Variants in HYDIN observed in about 807,000 individuals in gnomAD.
The protein encoded by HYDIN is HYDIN axonemal central pair apparatus protein, also known as axonemal central pair apparatus protein HYDIN.
In HYDIN, 132 loss-of-function variants were observed where a neutral mutation model predicts 403.9. The observed-to-expected ratio is 0.33, with a 90% CI of 0.28 to 0.38. The LOEUF (loss-of-function observed/expected upper bound fraction) is 0.38. Ranked by LOEUF, HYDIN falls within the 10% of genes least tolerant of loss-of-function variation. HYDIN has a pLI of 1.00. For synonymous variants in HYDIN, 1,202 were observed against 1,891.7 expected (o/e 0.64, Z 9.46); for missense variants, 2,827 against 5,009.5 (o/e 0.56, Z 13.15).
At chr16:70,830,916 G>A (rs567174792) in intron 80 of HYDIN, among the ~76,000 whole-genome samples, 1 of 151,926 alleles carries the variant, frequency 6.6e-6, no homozygotes, top group African/African-American at 2.4e-5. Context: ...AGTCCAGGCT[G>A]CAGATAAAGA....
chr16:70,898,938 T>G (rs1345641550), intron 53 of HYDIN, among the ~76,000 whole-genome samples: 1 of 152,276 alleles, frequency 6.6e-6, no homozygotes. Context: ...TTTTGTAATT[T>G]TGTATTTTTG....
chr16:71,098,404 G>A (rs1417656864), intron 10 of HYDIN, among the ~76,000 whole-genome samples: 5 of 151,476 alleles, frequency 3.3e-5, no homozygotes, highest in Admixed American at 2.6e-4. Flanking sequence ...GGGCTTCACC[G>A]TGTTAGCCAG....
intron 18 of HYDIN, among the ~76,000 whole-genome samples, chr16:71,052,088 CA>C (rs1282671923): frequency 2.6e-5 from 4 of 152,270 alleles, no homozygotes; most frequent in African/African-American, 4.8e-5. Flanking sequence ...TCTAGGTATG[CA>C]AATTTGAGCT....
At position 70,981,289 on chromosome 16, in the gene HYDIN, A is replaced by G. The variant is rs2079038246; in HGVS notation, c.4510+102T>C. 1.6e-5 allele frequency: 23 copies of G among 1,466,334 alleles called. 1 individual carries two copies. The South Asian group carries it at 3.4e-4, about 22-fold the overall frequency. 90.8% of individuals were successfully genotyped at this position (1,466,334 alleles called of 1,614,324 possible). On this transcript the variant is annotated intron_variant, in intron 29 of 85. Transcript: ENST00000393567. The stretch of plus-strand genomic sequence containing the variant: ...ATAACGTGGAAGAGAACCACAGGGC[A>G]TTTCCAAGCAAATAAAGTAAGTAGC...
chr16:71,002,542 A>G (rs2079752552), intron 23 of HYDIN, among the ~76,000 whole-genome samples: 2 of 143,684 alleles, frequency 1.4e-5, no homozygotes, highest in Non-Finnish European at 1.5e-5. Flanking sequence ...GCAAAGTGAG[A>G]CCCTGTCTGT....
chr16:70,934,331 C>CT (rs113716196), intron 45 of HYDIN, among the ~76,000 whole-genome samples: 239 of 149,238 alleles, frequency 1.6e-3, no homozygotes, highest in South Asian at 2.6e-3. Context: ...TTGAAGAAAA[C>CT]TTTTTTTTTT....
At chr16:70,888,709 G>A (rs1323740870) in intron 58 of HYDIN, among the ~76,000 whole-genome samples, 3 of 152,272 alleles carry the variant, frequency 2.0e-5, no homozygotes, top group African/African-American at 2.4e-5. Flanking sequence ...TGAAAATCTC[G>A]GCTTGGTATT....
In HYDIN at chr16:70,828,894, G is replaced by A. The variant is rs747691572; in HGVS notation, c.14113-465C>T. 4.2e-3 allele frequency among the ~76,000 whole-genome samples: 612 copies of A among 144,550 alleles called. 3 individuals are homozygous for A. The highest frequency in any genetic ancestry group is 6.0e-3 in the Non-Finnish European group (398 of 66,124). 94.8% of individuals were successfully genotyped at this position (144,550 alleles called of 152,430 possible). A position where few individuals can be genotyped will look rare whatever the true frequency, so the allele number is the denominator to read the frequency against. On this transcript the variant is annotated intron_variant, in intron 81 of 85. Coordinates refer to ENST00000393567, the MANE Select transcript of HYDIN (RefSeq NM_001270974.2). The stretch of plus-strand genomic sequence containing the variant: ...TTGGGTATGTTATGATGATAGTTAT[G>A]GCTGTATCTGAATAAGGATTGGTAG...
chr16:70,820,784 G>C (rs1325584929), intron 83 of HYDIN, among the ~76,000 whole-genome samples: 53 of 151,996 alleles, frequency 3.5e-4, no homozygotes, highest in Admixed American at 1.7e-3. Flanking sequence ...GAGTAGCTGA[G>C]ATTACATGCA....
chr16:70,863,038 T>C (rs370627693), intron 68 of HYDIN, 47 bp downstream of exon 68: 471 of 1,565,580 alleles, frequency 3.0e-4, no homozygotes, highest in Non-Finnish European at 4.1e-4. Flanking sequence ...GCTCTTCTAA[T>C]TGGTGACTCA....
intron 29 of HYDIN, among the ~76,000 whole-genome samples, chr16:70,980,014 C>T (rs2079000567): frequency 6.6e-6 from 1 of 151,722 alleles, no homozygotes; most frequent in African/African-American, 2.4e-5. Context: ...GAAGACCCAA[C>T]TAATGGTGTT....
intron 25 of HYDIN, among the ~76,000 whole-genome samples, chr16:70,990,846 C>G (rs1018509101): frequency 6.6e-6 from 1 of 152,192 alleles, no homozygotes; most frequent in African/African-American, 2.4e-5. Flanking sequence ...ATACTCCTAC[C>G]CACACTGTAG....
chr16:71,104,171 T>C (rs1007960976), intron 10 of HYDIN, among the ~76,000 whole-genome samples: 2 of 151,700 alleles, frequency 1.3e-5, no homozygotes, highest in Non-Finnish European at 2.9e-5. Context: ...CAGATTTTGA[T>C]TCAATAAAAC....
chr16:71,086,135 T>C (rs1425140687), intron 12 of HYDIN, among the ~76,000 whole-genome samples: 2 of 151,784 alleles, frequency 1.3e-5, no homozygotes, highest in East Asian at 3.9e-4. Context: ...TTGAATTCCT[T>C]TGTTATTTCT....
intron 40 of HYDIN, among the ~76,000 whole-genome samples, chr16:70,955,101 C>T (rs565175070): frequency 5.3e-4 from 81 of 152,356 alleles, no homozygotes; most frequent in African/African-American, 1.8e-3. Context: ...CTGCTTCCCC[C>T]ACCAGGTGTC....
chr16:70,817,231 G>A (rs1429942842), intron 84 of HYDIN: 1 of 151,888 alleles, frequency 6.6e-6, no homozygotes, highest in East Asian at 1.9e-4. Context: ...GGTTGGTGAA[G>A]ACGTTGAACA....
intron 18 of HYDIN, among the ~76,000 whole-genome samples, chr16:71,038,246 C>T (rs529127587): frequency 6.6e-6 from 1 of 152,412 alleles, no homozygotes; most frequent in South Asian, 2.1e-4. Context: ...TTTCATATAT[C>T]TAAGGATAAC....
chr16:70,994,266 C>CATGGCTGGATGG (rs1171438786), intron 23 of HYDIN, among the ~76,000 whole-genome samples: 5 of 136,560 alleles, frequency 3.7e-5, no homozygotes, highest in African/African-American at 1.1e-4. Context: ...TGGATGGATG[C>CATGGCTGGATGG]ATGGATGGAT....
intron 18 of HYDIN, among the ~76,000 whole-genome samples, chr16:71,059,562 A>C (rs2082013710): frequency 1.3e-5 from 2 of 151,776 alleles, no homozygotes; most frequent in Non-Finnish European, 2.9e-5. Flanking sequence ...ATCCTAAGCA[A>C]ATTAACACAG....
Sources: gnomAD v4.1 joint callset for allele counts (sites outside exome capture counted in the v4.1 genomes callset) on GRCh38, gnomAD v4.1.1 for gene constraint, MANE v1.5 for transcripts, NCBI Gene and HGNC (gene_info 2026-07-23, HGNC 2026-07-21) for gene names.